The following CMA1 variants were observed in gnomAD, a reference collection of about 807,000 sequenced individuals.
The protein encoded by CMA1 is chymase.
CMA1 carries 24 observed loss-of-function variants against 18.8 expected under a neutral mutation model. That is an observed-to-expected ratio of 1.28 (90% CI 0.92 to 1.80). The LOEUF (loss-of-function observed/expected upper bound fraction) is 1.80. CMA1 is among the 40% of genes most tolerant of loss of function. CMA1 has a pLI of 0.00. For missense variants in CMA1, 421 were observed against 302.8 expected (o/e 1.39, Z -2.90); for synonymous variants, 152 against 117.0 (o/e 1.30, Z -1.93).
intron 1 of CMA1, among the ~76,000 whole-genome samples, chr14:24,507,855 C>T (rs938720417): frequency 6.6e-6 from 1 of 152,218 alleles, no homozygotes; most frequent in African/African-American, 2.4e-5. Flanking sequence ...GAGAAAGTCA[C>T]AAAGTAATGG....
At position 24,507,334 on chromosome 14, in the gene CMA1, T is replaced by C. The variant is rs78253044; in HGVS notation, c.209+22A>G. ...TGGTTGTTCATCTCCCATTTGGAGATAAATAGACCCTGTTGTCTCACCTTC... is the reference window on the plus strand; with the variant it reads ...TGGTTGTTCATCTCCCATTTGGAGACAAATAGACCCTGTTGTCTCACCTTC... On this transcript the variant is annotated intron_variant, in intron 2 of 4. Transcript: ENST00000250378. 3.1e-4 allele frequency: 505 copies of C among 1,614,024 alleles called. 1 individual carries two copies. The African/African-American group carries it at 6.1e-3, about 20-fold the overall frequency.
Position 24,507,370 on chromosome 14 carries a change from A to AC in CMA1, c.194_195insG (p.His66SerfsTer15), listed in dbSNP as rs755008668. ...TGTTGTCTCACCTTCCTGCACAATG[A>AC]GCAGCCGTCAGCACAAAGTTCCGTC... On this transcript the variant is annotated frameshift_variant, in exon 2 of 5. Coordinates refer to ENST00000250378, the MANE Select transcript of CMA1 (RefSeq NM_001836.5). LOFTEE classifies it high-confidence loss of function. 2.0e-5 allele frequency: 33 copies of AC among 1,614,026 alleles called. No homozygotes were observed. Among genetic ancestry groups the AC allele is most frequent in the Non-Finnish European group, 2.8e-5 (33 of 1,180,018 alleles).
chr14:24,506,394 A>C (rs2043856908), intron 3 of CMA1, 75 bp downstream of exon 3: 5 of 1,597,726 alleles, frequency 3.1e-6, no homozygotes, highest in African/African-American at 2.7e-5. Flanking sequence ...CCTAAGAAAA[A>C]TTCAGGGCAA....
intron 1 of CMA1, 136 bp from the exon 2 acceptor site, chr14:24,507,642 G>A (rs2043870022): frequency 9.9e-7 from 1 of 1,011,510 alleles, no homozygotes; most frequent in Admixed American, 2.5e-5. Context: ...TCCCTCTCCT[G>A]TCTCCTGTAT....
intron 1 of CMA1, 163 bp downstream of exon 1, chr14:24,508,015 G>A: frequency 1.6e-6 from 1 of 634,030 alleles, no homozygotes; most frequent in South Asian, 1.9e-5. Context: ...GCAGTGGGTG[G>A]GGGTGGGGGT....
In CMA1 at chr14:24,507,488, G is replaced by A. The variant is rs552670864; in HGVS notation, c.77C>T (p.Thr26Ile). 1.3e-5 allele frequency: 21 copies of A among 1,613,888 alleles called. No individual in the cohort carries two copies. The highest frequency in any genetic ancestry group is 6.6e-5 in the South Asian group (6 of 91,044). Residue 26 changes from threonine (T) to isoleucine (I), a missense_variant, in exon 2 of 5, where the codon ACA becomes ATA. Coordinates refer to ENST00000250378, the MANE Select transcript of CMA1 (RefSeq NM_001836.5). ...RAEAGEIIGG[T>I]ECKPHSRPYM... ...GGGGCGGGAATGTGGCTTGCATTCT[G>A]TGCCCCCGATGATCTCCCCTGGAAC...
intron 4 of CMA1, 107 bp from the exon 5 acceptor site, chr14:24,505,766 G>T (rs1365024162): frequency 7.3e-7 from 1 of 1,373,478 alleles, no homozygotes; most frequent in Non-Finnish European, 9.9e-7. Flanking sequence ...CGCAGGAGGT[G>T]GAGCTCCTCA....
At chr14:24,505,706 C>T in intron 4 of CMA1, 47 bp from the exon 5 acceptor site, 1 of 1,555,166 alleles carries the variant, frequency 6.4e-7, no homozygotes, top group Non-Finnish European at 8.7e-7. Context: ...GGAAGTCCTC[C>T]ACTCCTGTCT....
chr14:24,508,230 C>T lies in CMA1; in HGVS notation c.6G>A (p.Leu2=), dbSNP rs756118157. 15 of 1,613,346 alleles carry T rather than the reference C, an allele frequency of 9.3e-6. No individual in the cohort carries two copies. The highest frequency in any genetic ancestry group is 1.7e-4 in the Middle Eastern group (1 of 6,026). M[L]LLPLPLLLFL... ...AGAGCAGCAGGGGGAGAGGAAGAAG[C>T]AGCATCTTCCCAGAGAGGCTGCCTG... is the stretch of plus-strand genomic sequence containing the variant. The change falls in exon 1 of 5, where the codon CTG becomes CTA. Residue 2 remains leucine (L), a synonymous_variant. Coordinates refer to ENST00000250378, the MANE Select transcript of CMA1 (RefSeq NM_001836.5).
rs773284314 is a variant in CMA1, at chr14:24,505,626, C to A, written c.634G>T (p.Val212Leu). Residue 212 changes from valine to leucine, a missense_variant, in exon 5 of 5, where the codon GTG (valine) becomes TTG (leucine). Coordinates refer to ENST00000250378, the MANE Select transcript of CMA1 (RefSeq NM_001836.5). ...CCATAGGATACGATGCCCTGGGCCACCCCAGCACACAGAAGAGGGCCCCCA... is the reference window on the plus strand; with the variant it reads ...CCATAGGATACGATGCCCTGGGCCAACCCAGCACACAGAAGAGGGCCCCCA... ...DSGGPLLCAG[V>L]AQGIVSYGRS... 2 of 1,613,196 alleles carry A rather than the reference C, an allele frequency of 1.2e-6. No homozygotes were observed. The highest frequency in any genetic ancestry group is 2.7e-5 in the African/African-American group (2 of 74,882).
chr14:24,506,304 G>A (rs762403242), intron 3 of CMA1, 22 bp from the exon 4 acceptor site: 10 of 1,609,472 alleles, frequency 6.2e-6, no homozygotes, highest in South Asian at 1.1e-5. Context: ...ATGAAGGACT[G>A]TCAGTCCTCG....
chr14:24,507,580 G>A (rs1045673255), intron 1 of CMA1, 74 bp from the exon 2 acceptor site: 7 of 1,499,338 alleles, frequency 4.7e-6, no homozygotes, highest in Non-Finnish European at 6.3e-6. Context: ...TTGGGTTAAA[G>A]CTGAGCTAGG....
In CMA1 at chr14:24,505,532, A is replaced by T. The variant is rs750416753; in HGVS notation, c.728T>A (p.Ile243Asn). 6.2e-7 allele frequency: 1 copy of T among 1,614,070 alleles called. No homozygotes were observed. Among genetic ancestry groups the T allele is most frequent in the Admixed American group, 1.7e-5 (1 of 60,016 alleles). Residue 243 changes from isoleucine (I) to asparagine (N), a missense_variant, in exon 5 of 5, where the codon ATC becomes AAC. Ile to Asn is a moderately radical substitution (Grantham distance 149, BLOSUM62 -3). Coordinates refer to ENST00000250378, the MANE Select transcript of CMA1 (RefSeq NM_001836.5). ...GATCCAGGATTAATTTGCCTGCAGG[A>T]TCTGGTTGATCCAGGGCCGGTAATG... Reference protein sequence around the residue: ...ISHYRPWINQILQAN With the variant: ...ISHYRPWINQNLQAN
Position 24,508,164 on chromosome 14 carries a change from A to G in CMA1, c.58+14T>C. 6.2e-7 allele frequency: 1 copy of G among 1,612,658 alleles called. No individual in the cohort carries two copies. Among genetic ancestry groups the G allele is most frequent in the Non-Finnish European group, 8.5e-7 (1 of 1,178,954 alleles). ...GATACTGCAGATTTCAGAGGGAAGAACCCTGATACTCACCAGCTTCAGCTC... is the reference window on the plus strand; with the variant it reads ...GATACTGCAGATTTCAGAGGGAAGAGCCCTGATACTCACCAGCTTCAGCTC... On this transcript the variant is annotated intron_variant, in intron 1 of 4. Coordinates refer to ENST00000250378, the MANE Select transcript of CMA1 (RefSeq NM_001836.5).
In CMA1 at chr14:24,505,396, A is replaced by G. The variant is rs1357290098; in HGVS notation, c.*120T>C. The stretch of plus-strand genomic sequence containing the variant: ...TATTGAGAGTTCTGTGACCTGTAGG[A>G]TACTTCTGGAGGCTTAGGGTTGTGG... On this transcript the variant is annotated 3_prime_UTR_variant, in exon 5 of 5. Coordinates refer to ENST00000250378, the MANE Select transcript of CMA1 (RefSeq NM_001836.5). 3 of 1,288,380 alleles carry G rather than the reference A, an allele frequency of 2.3e-6. No individual in the cohort carries two copies. The African/African-American group carries it at 4.4e-5, about 19-fold the overall frequency. 79.8% of individuals were successfully genotyped at this position (1,288,380 alleles called of 1,614,324 possible). A position where few individuals can be genotyped will look rare whatever the true frequency, so the allele number is the denominator to read the frequency against.
At chr14:24,505,692 C>T (rs1239906860) in intron 4 of CMA1, 33 bp from the exon 5 acceptor site, 3 of 1,569,860 alleles carry the variant, frequency 1.9e-6, no homozygotes, top group South Asian at 2.4e-5. Context: ...AGAAGGTGAG[C>T]CCGGGAAGTC....
rs142397893 is a variant in CMA1 at position 24,505,594 on chromosome 14, C to T, written c.666G>A (p.Ser222=). 146 of 1,613,924 alleles carry T rather than the reference C, an allele frequency of 9.0e-5. No homozygotes were observed. Among genetic ancestry groups the T allele is most frequent in the South Asian group, 2.7e-4 (25 of 91,062 alleles). The change falls in exon 5 of 5, where the codon TCG becomes TCA. Residue 222 remains serine (S), a synonymous_variant. Transcript: ENST00000250378. ...TGAAGACAGCAGGGGGCTTTGCATC[C>T]GACCGTCCATAGGATACGATGCCCT... The part of the protein sequence containing the change: ...VAQGIVSYGR[S]DAKPPAVFTR...
chr14:24,505,950 T>C (rs2043849925), intron 4 of CMA1, 78 bp downstream of exon 4: 1 of 1,555,396 alleles, frequency 6.4e-7, no homozygotes, highest in Non-Finnish European at 8.7e-7. Context: ...CTGACAACCT[T>C]CTGACCCCAT....
intron 1 of CMA1, 82 bp downstream of exon 1, chr14:24,508,096 G>C (rs769637918): frequency 2.3e-6 from 3 of 1,326,524 alleles, no homozygotes; most frequent in Non-Finnish European, 3.2e-6. Flanking sequence ...ACCCTGTTTA[G>C]GAGTCAGCTA....
Sources: allele counts gnomAD v4.1 joint callset (sites outside exome capture counted in the v4.1 genomes callset), GRCh38; gene constraint gnomAD v4.1.1; transcripts MANE v1.5; gene names NCBI Gene and HGNC (gene_info 2026-07-23, HGNC 2026-07-21).